The following PEX5L variants were observed in gnomAD, a reference collection of about 807,000 sequenced individuals.
PEX5L encodes peroxisomal biogenesis factor 5 like.
Under a neutral mutation model 84.0 loss-of-function variants are expected in PEX5L, and 30 were observed. That is an observed-to-expected ratio of 0.36 (90% CI 0.27 to 0.48). The LOEUF (loss-of-function observed/expected upper bound fraction) is 0.48. Among genes scored for constraint, PEX5L ranks in the 20% least tolerant of loss-of-function variants. The pLI is 0.99. For missense variants in PEX5L, 533 were observed against 754.6 expected, an observed-to-expected ratio of 0.71 and a Z score of 3.44; for synonymous variants, 270 against 283.1, an observed-to-expected ratio of 0.95 and a Z score of 0.46.
At chr3:179,979,783 C>T (rs1325739582) in intron 1 of PEX5L, among the ~76,000 whole-genome samples, 2 of 152,140 alleles carry the variant, frequency 1.3e-5, no homozygotes, top group African/African-American at 2.4e-5. Context: ...TTCTGATCCC[C>T]GTTGACACAT....
chr3:179,964,402 A>G (rs1296187172), intron 2 of PEX5L, among the ~76,000 whole-genome samples: 7 of 152,176 alleles, frequency 4.6e-5, no homozygotes, highest in Non-Finnish European at 8.8e-5. Flanking sequence ...AGAATTCATG[A>G]CGAAGATGCC....
intron 1 of PEX5L, among the ~76,000 whole-genome samples, chr3:180,031,473 AATT>A (rs1791460604): frequency 6.6e-6 from 1 of 152,190 alleles, no homozygotes; most frequent in South Asian, 2.1e-4. Flanking sequence ...ATATGTTCTG[AATT>A]ATAAAAAGGT....
At chr3:179,871,011 C>T (rs1750116982) in intron 7 of PEX5L, among the ~76,000 whole-genome samples, 1 of 151,990 alleles carries the variant, frequency 6.6e-6, no homozygotes, top group Non-Finnish European at 1.5e-5. Flanking sequence ...TGGGTCTTCA[C>T]CTGTTGGGTC....
chr3:179,975,271 A>T (rs1445808935), intron 1 of PEX5L, among the ~76,000 whole-genome samples: 1 of 152,196 alleles, frequency 6.6e-6, no homozygotes, highest in East Asian at 1.9e-4. Context: ...TTTTGCAAGT[A>T]AGTAACACAA....
At chr3:179,824,579 G>A (rs889768574) in intron 8 of PEX5L, among the ~76,000 whole-genome samples, 6 of 152,040 alleles carry the variant, frequency 3.9e-5, no homozygotes, top group Non-Finnish European at 5.9e-5. Flanking sequence ...GGTGGTGCAT[G>A]CCTGTAATCC....
At chr3:180,027,526 A>G (rs1346142188) in intron 1 of PEX5L, among the ~76,000 whole-genome samples, 2 of 152,108 alleles carry the variant, frequency 1.3e-5, no homozygotes, top group Non-Finnish European at 2.9e-5. Flanking sequence ...ATGCATACAC[A>G]TAAGATTATT....
At chr3:179,922,275 G>A (rs1366309601) in intron 2 of PEX5L, among the ~76,000 whole-genome samples, 5 of 152,112 alleles carry the variant, frequency 3.3e-5, no homozygotes, top group East Asian at 1.9e-4. Flanking sequence ...GAGATATTAC[G>A]CAAATAATTT....
At chr3:179,895,897 T>C (rs1009367144) in intron 3 of PEX5L, among the ~76,000 whole-genome samples, 11 of 152,122 alleles carry the variant, frequency 7.2e-5, no homozygotes, top group Non-Finnish European at 1.6e-4. Context: ...ATCTATCACA[T>C]GAGCATCTGG....
intron 2 of PEX5L, among the ~76,000 whole-genome samples, chr3:179,941,614 C>A (rs758457403): frequency 7.2e-5 from 11 of 152,134 alleles, no homozygotes; most frequent in Non-Finnish European, 1.2e-4. Flanking sequence ...CTGTGCGATG[C>A]CAAAATCCAA....
chr3:180,006,513 G>C (rs1788911442), intron 1 of PEX5L, among the ~76,000 whole-genome samples: 1 of 152,296 alleles, frequency 6.6e-6, no homozygotes. Flanking sequence ...TTCTGGGAAG[G>C]AGAATATAGA....
chr3:179,996,123 T>A (rs1488510502), intron 1 of PEX5L, among the ~76,000 whole-genome samples: 1 of 152,100 alleles, frequency 6.6e-6, no homozygotes, highest in South Asian at 2.1e-4. Context: ...TTGATTCTCA[T>A]CAGGAGCCAC....
chr3:180,018,260 T>G (rs979482687), intron 1 of PEX5L, among the ~76,000 whole-genome samples: 1 of 152,218 alleles, frequency 6.6e-6, no homozygotes, highest in Non-Finnish European at 1.5e-5. Flanking sequence ...ATGTCACGAT[T>G]AGTTTTATAT....
intron 1 of PEX5L, among the ~76,000 whole-genome samples, chr3:179,999,451 C>T (rs1788191208): frequency 1.3e-5 from 2 of 152,160 alleles, no homozygotes; most frequent in Non-Finnish European, 1.5e-5. Flanking sequence ...CTTCTACTCA[C>T]CAAGACTGAC....
At chr3:180,014,471 CAA>C (rs11312603) in intron 1 of PEX5L, among the ~76,000 whole-genome samples, 3 of 129,984 alleles carry the variant, frequency 2.3e-5, no homozygotes, top group African/African-American at 2.7e-5. Flanking sequence ...GACTCCGACT[CAA>C]AAAAAAAAAA....
chr3:179,886,612 G>A (rs545694523), intron 4 of PEX5L, among the ~76,000 whole-genome samples: 3 of 152,256 alleles, frequency 2.0e-5, no homozygotes, highest in Non-Finnish European at 2.9e-5. Flanking sequence ...TAAGCAACAT[G>A]CCCCTGGATA....
intron 8 of PEX5L, among the ~76,000 whole-genome samples, chr3:179,844,826 T>A (rs1738706904): frequency 6.6e-6 from 1 of 152,084 alleles, no homozygotes. Context: ...CGAGACTCCA[T>A]CTCAAAAACA....
At chr3:179,862,808 A>G (rs539185236) in intron 7 of PEX5L, among the ~76,000 whole-genome samples, 91 of 152,282 alleles carry the variant, frequency 6.0e-4, no homozygotes, top group African/African-American at 1.6e-3. Flanking sequence ...CAAAATTCCC[A>G]TGATGTTTTC....
intron 8 of PEX5L, among the ~76,000 whole-genome samples, chr3:179,847,275 T>C (rs756976893): frequency 3.3e-5 from 5 of 151,280 alleles, no homozygotes; most frequent in Admixed American, 6.6e-5. Context: ...TATTGATTGA[T>C]ATATAGATAT....
chr3:180,033,712 G>T (rs1445037890), intron 1 of PEX5L, among the ~76,000 whole-genome samples: 1 of 151,938 alleles, frequency 6.6e-6, no homozygotes, highest in Non-Finnish European at 1.5e-5. Flanking sequence ...TTGGTCAAAA[G>T]AAAAAAATAA....
Sources: gnomAD v4.1 joint callset for allele counts (sites outside exome capture counted in the v4.1 genomes callset) on GRCh38, gnomAD v4.1.1 for gene constraint, MANE v1.5 for transcripts, NCBI Gene and HGNC (gene_info 2026-07-23, HGNC 2026-07-21) for gene names.